RSU1: variants seen among roughly 807,000 people sequenced by gnomAD.
RSU1 encodes rsu-1.
Under a neutral mutation model 31.1 loss-of-function variants are expected in RSU1, and 26 were observed. The ratio of observed to expected loss-of-function variants is 0.84; its 90% CI spans 0.61 to 1.16. The LOEUF (loss-of-function observed/expected upper bound fraction) is 1.16, where lower values mean the gene tolerates loss of function less well. RSU1 is among the 50% of genes most tolerant of loss of function. The probability of loss-of-function intolerance (pLI) is 0.00; values close to 1 mark genes in which losing one functional copy is unlikely to be tolerated. For synonymous variants in RSU1, 164 were observed against 136.3 expected (o/e 1.20, Z -1.41); for missense variants, 320 against 339.1 (o/e 0.94, Z 0.44).
chr10:16,695,164 G>C lies in RSU1; in HGVS notation c.599-9C>G, dbSNP rs1564320469. 4.8e-6 allele frequency: 7 copies of C among 1,459,828 alleles called. No homozygotes were observed. The highest frequency in any genetic ancestry group is 2.4e-5 in the South Asian group (2 of 82,684). The allele number at this position is 1,459,828 out of a possible 1,614,324, so 90.4% of individuals were successfully genotyped here. On this transcript the variant is annotated splice_polypyrimidine_tract_variant and intron_variant, in intron 7 of 8. Transcript: ENST00000345264. ...AGTTAAATCCAAGTTTCCTGGGGGG[G>C]GGGAAAAAAAAAGTGAAGGTCACTT...
chr10:16,621,036 C>G (rs1834060548), intron 8 of RSU1, among the ~76,000 whole-genome samples: 1 of 152,072 alleles, frequency 6.6e-6, no homozygotes, highest in South Asian at 2.1e-4. Flanking sequence ...AGTTTAAGAC[C>G]AAGGACACAC....
At position 16,695,167 on chromosome 10, in the gene RSU1, GAAA is replaced by G. The variant is rs1554767079; in HGVS notation, c.599-15_599-13del. 0.012 allele frequency: 15,226 copies of G among 1,300,338 alleles called. 187 individuals carry two copies. Among genetic ancestry groups the G allele is most frequent in the African/African-American group, 0.019 (1,210 of 62,884 alleles). The allele number at this position is 1,300,338 out of a possible 1,614,324, so 80.6% of individuals were successfully genotyped here. ...TAAATCCAAGTTTCCTGGGGGGGGG[GAAA>G]AAAAAAGTGAAGGTCACTTCATCCA... is the stretch of plus-strand genomic sequence containing the variant. On this transcript the variant is annotated splice_polypyrimidine_tract_variant and intron_variant, in intron 7 of 8. Coordinates refer to ENST00000345264, the MANE Select transcript of RSU1 (RefSeq NM_012425.4).
At chr10:16,667,023 CA>C (rs1835004106) in intron 8 of RSU1, among the ~76,000 whole-genome samples, 4 of 143,576 alleles carry the variant, frequency 2.8e-5, no homozygotes, top group Admixed American at 2.1e-4. Context: ...CAAAACAAAG[CA>C]AAACAAACAA....
chr10:16,810,253 T>C (rs1838381774), intron 2 of RSU1, among the ~76,000 whole-genome samples: 1 of 151,748 alleles, frequency 6.6e-6, no homozygotes, highest in Non-Finnish European at 1.5e-5. Context: ...AATAAAAAAA[T>C]AGAAATTAAA....
At chr10:16,674,656 C>A (rs75573951) in intron 8 of RSU1, among the ~76,000 whole-genome samples, 1 of 151,942 alleles carries the variant, frequency 6.6e-6, no homozygotes, top group East Asian at 1.9e-4. Flanking sequence ...ACTTTAGATA[C>A]AGTGATAATG....
chr10:16,811,763 C>G (rs989536622), intron 2 of RSU1, among the ~76,000 whole-genome samples: 4 of 152,240 alleles, frequency 2.6e-5, no homozygotes, highest in African/African-American at 9.6e-5. Context: ...GCGGAGAAGC[C>G]TGCAGGAAGG....
At chr10:16,815,145 G>A (rs766976983) in intron 2 of RSU1, among the ~76,000 whole-genome samples, 2 of 152,228 alleles carry the variant, frequency 1.3e-5, no homozygotes, top group African/African-American at 2.4e-5. Flanking sequence ...GCAGCAAGGG[G>A]CAAACTCAGA....
At chr10:16,792,021 A>C (rs1012811860) in intron 2 of RSU1, among the ~76,000 whole-genome samples, 2 of 152,226 alleles carry the variant, frequency 1.3e-5, no homozygotes, top group African/African-American at 2.4e-5. Context: ...CCAGGATGAG[A>C]CACGGGAAAT....
intron 7 of RSU1, among the ~76,000 whole-genome samples, chr10:16,719,043 C>T (rs1836201948): frequency 6.6e-6 from 1 of 151,230 alleles, no homozygotes; most frequent in Admixed American, 6.6e-5. Flanking sequence ...AATCCCAACA[C>T]TTTGAGAGGC....
chr10:16,602,377 T>C (rs981452854), intron 8 of RSU1, among the ~76,000 whole-genome samples: 1 of 152,162 alleles, frequency 6.6e-6, no homozygotes, highest in African/African-American at 2.4e-5. Context: ...AAGCTCCTAT[T>C]ATGATCATTA....
intron 8 of RSU1, among the ~76,000 whole-genome samples, chr10:16,620,994 G>GT (rs1417392342): frequency 6.6e-6 from 1 of 152,148 alleles, no homozygotes; most frequent in Non-Finnish European, 1.5e-5. Flanking sequence ...CCCTTGCAGT[G>GT]TTTTTTCAAT....
At chr10:16,733,316 C>G (rs906894331) in intron 7 of RSU1, among the ~76,000 whole-genome samples, 3 of 135,990 alleles carry the variant, frequency 2.2e-5, no homozygotes, top group Non-Finnish European at 4.6e-5. Flanking sequence ...CATGGTGAAA[C>G]CCCATCTCTA....
chr10:16,686,060 C>T (rs989434275), intron 8 of RSU1, among the ~76,000 whole-genome samples: 1 of 152,088 alleles, frequency 6.6e-6, no homozygotes, highest in Non-Finnish European at 1.5e-5. Flanking sequence ...CCTTTCATAG[C>T]ATTTTGCATT....
At chr10:16,781,760 G>A (rs1837655862) in intron 3 of RSU1, among the ~76,000 whole-genome samples, 1 of 152,222 alleles carries the variant, frequency 6.6e-6, no homozygotes, top group African/African-American at 2.4e-5. Flanking sequence ...GCCAAGGCAG[G>A]ACGATCGCTT....
intron 5 of RSU1, 36 bp from the exon 6 acceptor site, chr10:16,753,036 ATGG>A: frequency 2.0e-6 from 3 of 1,535,398 alleles, no homozygotes; most frequent in Non-Finnish European, 2.7e-6. Context: ...ACAGGGTGGC[ATGG>A]AACACAACCA....
intron 7 of RSU1, among the ~76,000 whole-genome samples, chr10:16,705,356 T>A (rs1488062597): frequency 6.6e-6 from 1 of 152,224 alleles, no homozygotes; most frequent in East Asian, 1.9e-4. Context: ...CCTATACACA[T>A]CCTCTGTATG....
intron 4 of RSU1, among the ~76,000 whole-genome samples, chr10:16,759,772 G>T (rs2131627056): frequency 1.3e-5 from 2 of 152,292 alleles, no homozygotes; most frequent in South Asian, 4.2e-4. Context: ...ATTGAGAACA[G>T]AACTAAACTT....
chr10:16,603,765 AAAAG>A (rs1052991296), intron 8 of RSU1, among the ~76,000 whole-genome samples: 6 of 152,252 alleles, frequency 3.9e-5, no homozygotes, highest in African/African-American at 9.6e-5. Flanking sequence ...TTTATTTATG[AAAAG>A]AAAGAATCAT....
chr10:16,647,272 C>A (rs999450411), intron 8 of RSU1, among the ~76,000 whole-genome samples: 1 of 152,086 alleles, frequency 6.6e-6, no homozygotes, highest in East Asian at 1.9e-4. Flanking sequence ...GCGCCCAGCC[C>A]GTACTGGAAC....
Sources: gnomAD v4.1 joint callset for allele counts (sites outside exome capture counted in the v4.1 genomes callset) on GRCh38, gnomAD v4.1.1 for gene constraint, MANE v1.5 for transcripts, NCBI Gene and HGNC (gene_info 2026-07-23, HGNC 2026-07-21) for gene names.